The following LAMP5 variants were observed in gnomAD, a reference collection of about 807,000 sequenced individuals.
LAMP5 encodes the protein lysosome associated membrane protein 5, also known as lysosome-associated membrane glycoprotein 5.
Under a neutral mutation model 30.2 loss-of-function variants are expected in LAMP5, and 36 were observed. The ratio of observed to expected loss-of-function variants is 1.19; its 90% CI spans 0.91 to 1.57. The LOEUF (loss-of-function observed/expected upper bound fraction) is 1.57. Among genes scored for constraint, LAMP5 ranks in the 40% most tolerant of loss-of-function variants. The pLI is 0.00. For missense variants in LAMP5, 377 were observed against 354.9 expected (o/e 1.06, Z -0.50); for synonymous variants, 149 against 134.6 (o/e 1.11, Z -0.74).
intron 4 of LAMP5, among the ~76,000 whole-genome samples, chr20:9,516,927 G>A (rs904378057): frequency 5.9e-5 from 9 of 152,070 alleles, no homozygotes; most frequent in Non-Finnish European, 1.0e-4. Context: ...CGACAACTCA[G>A]CCAGATCCTC....
At chr20:9,527,862 A>G (rs1449748705) in intron 5 of LAMP5, among the ~76,000 whole-genome samples, 1 of 152,214 alleles carries the variant, frequency 6.6e-6, no homozygotes, top group African/African-American at 2.4e-5. Flanking sequence ...AGGCTGAAAA[A>G]TAAATCAACA....
chr20:9,515,068 G>A, intron 1 of LAMP5, 152 bp downstream of exon 1: 1 of 680,246 alleles, frequency 1.5e-6, no homozygotes, highest in Middle Eastern at 2.5e-4. Flanking sequence ...AGGAGGGAGG[G>A]CCTTCCTCGC....
At chr20:9,526,899 T>TATAC (rs2045118079) in intron 5 of LAMP5, among the ~76,000 whole-genome samples, 1 of 122,384 alleles carries the variant, frequency 8.2e-6, no homozygotes, top group Non-Finnish European at 1.7e-5. Flanking sequence ...TATATATATA[T>TATAC]ATACACACAC....
rs188751371 is a variant in LAMP5 at position 9,524,735 on chromosome 20, C to T, written c.665-4907C>T. Among the ~76,000 whole-genome samples the T allele has an allele frequency of 1.5e-3, 231 of 152,132 alleles. 1 individual carries two copies. The highest frequency in any genetic ancestry group is 2.6e-3 in the Non-Finnish European group (180 of 68,002). The stretch of plus-strand genomic sequence containing the variant: ...TAAGACCATGGAAGAGTCAGGGCAG[C>T]CCCATGCAATCAAACATATTAATAT... On this transcript the variant is annotated intron_variant, in intron 5 of 5. Transcript: ENST00000246070.
intron 5 of LAMP5, among the ~76,000 whole-genome samples, chr20:9,526,127 G>T (rs1418018604): frequency 6.6e-6 from 1 of 152,172 alleles, no homozygotes; most frequent in Non-Finnish European, 1.5e-5. Flanking sequence ...AGCCTGGAAA[G>T]GTGCATAGAT....
rs547896728 is a variant in LAMP5, at chr20:9,522,336, C to A, written c.664+4108C>A. 7.2e-5 allele frequency among the ~76,000 whole-genome samples: 11 copies of A among 152,292 alleles called. No homozygotes were observed. The South Asian group carries it at 2.3e-3, about 32-fold the overall frequency. On this transcript the variant is annotated intron_variant, in intron 5 of 5. Transcript: ENST00000246070. ...GACATTTCTCTATATACCAGCCCCCCAGTAGAGCGTCCTGTGGCAAGCTGT... is the reference window on the plus strand; with the variant it reads ...GACATTTCTCTATATACCAGCCCCCAAGTAGAGCGTCCTGTGGCAAGCTGT...
At position 9,529,938 on chromosome 20, in the gene LAMP5, T is replaced by G; in HGVS notation, c.*118T>G. On this transcript the variant is annotated 3_prime_UTR_variant, in exon 6 of 6. Coordinates refer to ENST00000246070, the MANE Select transcript of LAMP5 (RefSeq NM_012261.4). ...CAACATAGCTACAATCAAACAGGCC[T>G]GGGTATCTGAGGCTTGCTTGGCTTG... 3.0e-6 allele frequency: 3 copies of G among 1,008,648 alleles called. No individual in the cohort carries two copies. The highest frequency in any genetic ancestry group is 4.4e-6 in the Non-Finnish European group (3 of 689,350). 62.5% of individuals were successfully genotyped at this position (1,008,648 alleles called of 1,614,324 possible).
chr20:9,522,526 A>G (rs1353031283), intron 5 of LAMP5, among the ~76,000 whole-genome samples: 1 of 152,214 alleles, frequency 6.6e-6, no homozygotes, highest in Non-Finnish European at 1.5e-5. Flanking sequence ...ACAGCTGAGA[A>G]CTGTGTTGAG....
intron 5 of LAMP5, among the ~76,000 whole-genome samples, chr20:9,526,765 C>G (rs1486906488): frequency 2.7e-5 from 4 of 148,082 alleles, no homozygotes; most frequent in African/African-American, 9.8e-5. Flanking sequence ...CTACCATTTG[C>G]CAAACTATCT....
intron 5 of LAMP5, among the ~76,000 whole-genome samples, chr20:9,521,221 A>G (rs2283637): frequency 0.44 from 67,125 of 151,790 alleles, 17,978 homozygotes; most frequent in African/African-American, 0.76. Context: ...TTGGAGAGGG[A>G]TTTATGTGTC....
chr20:9,516,040 C>G lies in LAMP5; in HGVS notation c.278C>G (p.Ala93Gly), dbSNP rs1043799708. Residue 93 changes from alanine (A) to glycine (G), a missense_variant, in exon 3 of 6, where the codon GCT becomes GGT. Ala to Gly is a moderately conservative substitution (Grantham distance 60). Transcript: ENST00000246070. ...GCCGATATCGCATTGACCCGGGGAG[C>G]TGAGGTGAAGGGCCGCTGTGGCCAC... Reference protein sequence around the residue: ...EQADIALTRGAEVKGRCGHSQ... With the variant: ...EQADIALTRGGEVKGRCGHSQ... The G allele has an allele frequency of 5.9e-6, 9 of 1,537,014 alleles. No homozygotes were observed. The highest frequency in any genetic ancestry group is 4.2e-5 in the African/African-American group (3 of 71,922).
rs2045032017 is a variant in LAMP5 at position 9,515,700 on chromosome 20, G to A, written c.237+75G>A. Reference sequence around the variant, plus strand: ...AGGGCACCCTTCCTCAAGGCTCTTCGAAGACCTGGGTTGCCCGCCTTCTTT... The same window carrying A: ...AGGGCACCCTTCCTCAAGGCTCTTCAAAGACCTGGGTTGCCCGCCTTCTTT... On this transcript the variant is annotated intron_variant, in intron 2 of 5. Coordinates refer to ENST00000246070, the MANE Select transcript of LAMP5 (RefSeq NM_012261.4). The A allele has an allele frequency of 4.0e-6, 6 of 1,514,656 alleles. No homozygotes were observed. In the Admixed American group the frequency reaches 9.3e-5, roughly 24 times the overall value. 93.8% of individuals were successfully genotyped at this position (1,514,656 alleles called of 1,614,324 possible).
In LAMP5 at chr20:9,514,624, G is replaced by T. The variant is rs1182612094; in HGVS notation, c.-229G>T. 1.1e-5 allele frequency: 4 copies of T among 375,682 alleles called. No homozygotes were observed. The highest frequency in any genetic ancestry group is 9.9e-5 in the South Asian group (4 of 40,256). 23.3% of individuals were successfully genotyped at this position (375,682 alleles called of 1,614,324 possible). A position where few individuals can be genotyped will look rare whatever the true frequency, so the allele number is the denominator to read the frequency against. ...TCAGCACTCGCAGCCGTGGACCGCC[G>T]TGCGGTCCTTTCCTCCGCAGTGAGC... On this transcript the variant is annotated 5_prime_UTR_variant, in exon 1 of 6. Coordinates refer to ENST00000246070, the MANE Select transcript of LAMP5 (RefSeq NM_012261.4).
intron 5 of LAMP5, among the ~76,000 whole-genome samples, chr20:9,518,598 A>G (rs1050977203): frequency 6.6e-6 from 1 of 152,184 alleles, no homozygotes; most frequent in African/African-American, 2.4e-5. Context: ...ATAGGGAGAA[A>G]GATTTAAAAA....
chr20:9,519,954 G>T (rs2045068492), intron 5 of LAMP5, among the ~76,000 whole-genome samples: 1 of 152,182 alleles, frequency 6.6e-6, no homozygotes. Flanking sequence ...TTAGAATGGT[G>T]TATAAAGTAA....
intron 2 of LAMP5, 124 bp downstream of exon 2, chr20:9,515,749 C>T (rs2045032327): frequency 1.8e-6 from 2 of 1,124,388 alleles, no homozygotes; most frequent in East Asian, 2.4e-5. Flanking sequence ...AGGCTGCTCC[C>T]GAATGCTGCA....
At chr20:9,524,914 G>A (rs1303926721) in intron 5 of LAMP5, among the ~76,000 whole-genome samples, 8 of 152,206 alleles carry the variant, frequency 5.3e-5, no homozygotes, top group Non-Finnish European at 1.5e-5. Context: ...TTTTGAAACA[G>A]TGGATGAGAG....
Position 9,514,933 on chromosome 20 carries a change from C to T in LAMP5, c.64+17C>T. The stretch of plus-strand genomic sequence containing the variant: ...TGTTGTTCCGTGAGTAGCGATTTGG[C>T]GACTGGGAGAGAGGACGGGCACTCT... On this transcript the variant is annotated intron_variant, in intron 1 of 5. Coordinates refer to ENST00000246070, the MANE Select transcript of LAMP5 (RefSeq NM_012261.4). 1 of 1,612,248 alleles carries T rather than the reference C, an allele frequency of 6.2e-7. No homozygotes were observed. The highest frequency in any genetic ancestry group is 8.5e-7 in the Non-Finnish European group (1 of 1,178,302).
intron 3 of LAMP5, 33 bp downstream of exon 3, chr20:9,516,164 A>G (rs377666336): frequency 7.6e-6 from 12 of 1,587,988 alleles, no homozygotes; most frequent in Non-Finnish European, 1.0e-5. Context: ...GAGGGGCCGC[A>G]GGCTCCGCGT....
Sources: gnomAD v4.1 joint callset for allele counts (sites outside exome capture counted in the v4.1 genomes callset) on GRCh38, gnomAD v4.1.1 for gene constraint, MANE v1.5 for transcripts, NCBI Gene and HGNC (gene_info 2026-07-23, HGNC 2026-07-21) for gene names.